ANKRD24: variants seen among roughly 807,000 people sequenced by gnomAD.
ANKRD24 encodes ankyrin repeat domain-containing protein 24.
A neutral mutation model predicts 127.8 loss-of-function variants in ANKRD24; 109 were observed. That is an observed-to-expected ratio of 0.85 (90% confidence interval 0.73 to 1.00). The LOEUF is 1.00. Ranked by LOEUF, ANKRD24 falls within the 50% of genes least tolerant of loss-of-function variation. The pLI is 0.00. For synonymous variants in ANKRD24, 743 were observed against 671.1 expected, an observed-to-expected ratio of 1.11 and a Z score of -1.66; for missense variants, 1,648 against 1,570.2, an observed-to-expected ratio of 1.05 and a Z score of -0.84.
chr19:4,218,283 T>TTTTATTTATTTATTTATTTGTTTA (rs1970243726), intron 18 of ANKRD24, 120 bp downstream of exon 18: 2 of 658,082 alleles, frequency 3.0e-6, no homozygotes, highest in African/African-American at 3.9e-5. Flanking sequence ...ACCTACTTTA[T>TTTTATTTATTTATTTATTTGTTTA]TTTATTTATT....
intron 19 of ANKRD24, among the ~76,000 whole-genome samples, chr19:4,220,469 G>A (rs143083431): frequency 7.9e-5 from 12 of 152,040 alleles, no homozygotes; most frequent in East Asian, 5.8e-4. Flanking sequence ...ACGTTCCCAC[G>A]TTTCGTTCCT....
chr19:4,205,131 G>T (rs767960948), intron 7 of ANKRD24, among the ~76,000 whole-genome samples: 6 of 152,098 alleles, frequency 3.9e-5, no homozygotes, highest in Non-Finnish European at 8.8e-5. Context: ...CCAGCTACTC[G>T]GGAGGCTGAG....
At chr19:4,203,272 C>A (rs1050452339) in intron 7 of ANKRD24, among the ~76,000 whole-genome samples, 1 of 152,156 alleles carries the variant, frequency 6.6e-6, no homozygotes, top group African/African-American at 2.4e-5. Flanking sequence ...TGGTCTCGAA[C>A]TCCTGACCTC....
Position 4,198,253 on chromosome 19 carries a change from C to A in ANKRD24, c.37-1430C>A, listed in dbSNP as rs1440586549. The A allele has an allele frequency of 8.5e-6, 4 of 471,090 alleles. No individual in the cohort carries two copies. The highest frequency in any genetic ancestry group is 8.6e-5 in the Admixed American group (2 of 23,168). The allele number at this position is 471,090 out of a possible 1,614,324, so 29.2% of individuals were successfully genotyped here. A position where few individuals can be genotyped will look rare whatever the true frequency, so the allele number is the denominator to read the frequency against. ...GGGGCGGCGCCCCTTCCCTCAGCCC[C>A]CAGCCCCCAGCCCCCTACCTGGGTC... On this transcript the variant is annotated intron_variant, in intron 2 of 21. Transcript: ENST00000318934. This position sits in a 1 kb window ranked among gnomAD's most constrained non-coding sequence, Gnocchi z 6.1.
In ANKRD24 at chr19:4,203,299, T is replaced by C. The variant is rs143690802; in HGVS notation, c.466+373T>C. Among the ~76,000 whole-genome samples, 285 of 152,294 alleles carry C rather than the reference T, an allele frequency of 1.9e-3. 1 individual carries two copies. Among genetic ancestry groups the C allele is most frequent in the African/African-American group, 6.6e-3 (275 of 41,568 alleles). On this transcript the variant is annotated intron_variant, in intron 7 of 21. Transcript: ENST00000318934. ...CCTGACCTCAGGTGATCCACCCGCCTTGGCCTCCCAAAGTGCTGGGATTAC... is the reference window on the plus strand; with the variant it reads ...CCTGACCTCAGGTGATCCACCCGCCCTGGCCTCCCAAAGTGCTGGGATTAC...
intron 13 of ANKRD24, among the ~76,000 whole-genome samples, chr19:4,210,592 G>A (rs1002054661): frequency 1.9e-5 from 2 of 105,742 alleles, no homozygotes; most frequent in African/African-American, 2.9e-5. Flanking sequence ...ATGCTCTAGC[G>A]CAGTCCTGCC....
At chr19:4,222,858 A>G in intron 20 of ANKRD24, 63 bp downstream of exon 20, 8 of 1,505,260 alleles carry the variant, frequency 5.3e-6, no homozygotes, top group Non-Finnish European at 7.1e-6. Context: ...AATATTTACC[A>G]ATCAGCACAG....
At position 4,218,123 on chromosome 19, in the gene ANKRD24, T is replaced by G. The variant is rs1280611577; in HGVS notation, c.2963T>G (p.Leu988Arg). The change falls in exon 18 of 22, where the codon CTG becomes CGG. Residue 988 changes from leucine (L) to arginine (R), a missense_variant. Physicochemically the swap from Leu to Arg is moderately radical, Grantham distance 102. Coordinates refer to ENST00000318934, the MANE Select transcript of ANKRD24 (RefSeq NM_001393985.1). ...CAGCTGGAGGGGCAGCTGGAGGAGC[T>G]GGGACGGCGGCATGAGAAGACCAGC... is the stretch of plus-strand genomic sequence containing the variant. ...VAQLEGQLEE[L>R]GRRHEKTSAE... is the part of the protein sequence containing the mutation. 2 of 1,539,506 alleles carry G rather than the reference T, an allele frequency of 1.3e-6. No homozygotes were observed. Among genetic ancestry groups the G allele is most frequent in the South Asian group, 2.4e-5 (2 of 82,228 alleles).
At chr19:4,204,559 C>T (rs1402029482) in intron 7 of ANKRD24, among the ~76,000 whole-genome samples, 1 of 152,102 alleles carries the variant, frequency 6.6e-6, no homozygotes, top group East Asian at 1.9e-4. Context: ...AGCTGGTACC[C>T]TCATAATCAC....
Position 4,199,436 on chromosome 19 carries a change from T to C in ANKRD24, c.37-247T>C, listed in dbSNP as rs1205846552. 9.7e-6 allele frequency: 9 copies of C among 928,436 alleles called. No homozygotes were observed. Among genetic ancestry groups the C allele is most frequent in the Non-Finnish European group, 1.0e-5 (8 of 778,112 alleles). 57.5% of individuals were successfully genotyped at this position (928,436 alleles called of 1,614,324 possible). On this transcript the variant is annotated intron_variant, in intron 2 of 21. Coordinates refer to ENST00000318934, the MANE Select transcript of ANKRD24 (RefSeq NM_001393985.1). This position sits in a 1 kb window ranked among gnomAD's most constrained non-coding sequence, Gnocchi z 5.2. ...TATGGTGCCCAGGTTTGTCTCAAAC[T>C]CCTAGGCTCAAGCGATCCTCCCACC...
chr19:4,193,845 G>GAGGGAGGGAAGGAAGGAAGGA lies in ANKRD24; in HGVS notation c.37-5835_37-5834insGAGGGAAGGAAGGAAGGAAGG, dbSNP rs573649233. Among the ~76,000 whole-genome samples the GAGGGAGGGAAGGAAGGAAGGA allele has an allele frequency of 7.1e-3, 289 of 40,578 alleles. 52 individuals are homozygous for GAGGGAGGGAAGGAAGGAAGGA. The highest frequency in any genetic ancestry group is 0.034 in the African/African-American group (265 of 7,762). 26.6% of individuals were successfully genotyped at this position (40,578 alleles called of 152,430 possible). On this transcript the variant is annotated intron_variant, in intron 2 of 21. Coordinates refer to ENST00000318934, the MANE Select transcript of ANKRD24 (RefSeq NM_001393985.1). ...GAGCGAGACTCCGTCGGGAGGGAGG[G>GAGGGAGGGAAGGAAGGAAGGA]AGGAAGGAAGGAAGGAAGGAAGGAA...
At position 4,185,935 on chromosome 19, in the gene ANKRD24, G is replaced by A. The variant is rs987078042; in HGVS notation, c.-36-455G>A. ...GGAACAAGAGGCAAAGCTGATAAGA[G>A]CAAGGGATTTTGGAACTGGGCTTTG... On this transcript the variant is annotated intron_variant, in intron 1 of 21. Coordinates refer to ENST00000318934, the MANE Select transcript of ANKRD24 (RefSeq NM_001393985.1). 3.9e-5 allele frequency among the ~76,000 whole-genome samples: 6 copies of A among 152,158 alleles called. No individual in the cohort carries two copies. In the East Asian group the frequency reaches 1.2e-3, roughly 29 times the overall value.
At chr19:4,207,085 CTT>C (rs34475477) in intron 7 of ANKRD24, 155 bp from the exon 8 acceptor site, 37,955 of 417,336 alleles carry the variant, frequency 0.091, 1 homozygote, top group East Asian at 0.11. Context: ...ATAATGTTTG[CTT>C]TTTTTTTTTT....
At chr19:4,216,241 T>C (rs1970058995) in intron 16 of ANKRD24, 43 bp from the exon 17 acceptor site, 1 of 1,528,986 alleles carries the variant, frequency 6.5e-7, no homozygotes, top group Non-Finnish European at 8.9e-7. Context: ...CCTGTCCCCC[T>C]GTGGCCCAGG....
intron 2 of ANKRD24, among the ~76,000 whole-genome samples, chr19:4,192,491 G>A (rs112498507): frequency 0.14 from 21,204 of 151,038 alleles, 1,586 homozygotes; most frequent in African/African-American, 0.16. Flanking sequence ...GATTACAGGC[G>A]TGAGCCACCG....
chr19:4,202,144 C>A, intron 6 of ANKRD24, 54 bp downstream of exon 6: 1 of 1,518,956 alleles, frequency 6.6e-7, no homozygotes, highest in Non-Finnish European at 9.1e-7. Flanking sequence ...CTCCTGAGTT[C>A]CAGCAATTCC....
rs1214275207 is a variant in ANKRD24, at chr19:4,216,941, C to T, written c.1781C>T (p.Ala594Val). 6.2e-7 allele frequency: 1 copy of T among 1,611,314 alleles called. No homozygotes were observed. The highest frequency in any genetic ancestry group is 2.2e-5 in the East Asian group (1 of 44,850). ...AEATGAEATG[A>V]KVTETKPTGA... ...GCCACGGGAGCTGAGGCCACAGGAG[C>T]CAAGGTCACAGAAACAAAACCCACA... Residue 594 changes from alanine (A) to valine (V), a missense_variant, in exon 18 of 22, where the codon GCC becomes GTC. Transcript: ENST00000318934.
intron 2 of ANKRD24, among the ~76,000 whole-genome samples, chr19:4,196,915 G>A (rs1185788693): frequency 6.6e-6 from 1 of 152,268 alleles, no homozygotes; most frequent in East Asian, 1.9e-4. Flanking sequence ...CGGAGGAGCC[G>A]TGGGTCCCAG....
chr19:4,183,635 C>CG (rs1459577662), intron 1 of ANKRD24, among the ~76,000 whole-genome samples: 6 of 151,954 alleles, frequency 3.9e-5, no homozygotes, highest in African/African-American at 1.4e-4. Flanking sequence ...GTGAGTGAGC[C>CG]GGGCGCAGTG....
Sources: gnomAD v4.1 joint callset for allele counts (sites outside exome capture counted in the v4.1 genomes callset) on GRCh38, gnomAD v4.1.1 for gene constraint, Gnocchi (gnomAD v3.1) non-coding constraint, MANE v1.5 for transcripts, NCBI Gene and HGNC (gene_info 2026-07-23, HGNC 2026-07-21) for gene names.